The following PCDHA5 variants were observed in gnomAD, a reference collection of about 807,000 sequenced individuals.
PCDHA5 encodes protocadherin alpha 5, also known as protocadherin alpha-5.
In PCDHA5, 43 loss-of-function variants were observed where a neutral mutation model predicts 61.6. The ratio of observed to expected loss-of-function variants is 0.70; its 90% CI spans 0.55 to 0.90. The LOEUF is 0.90. Ranked by LOEUF, PCDHA5 falls within the 40% of genes least tolerant of loss-of-function variation. The pLI, the probability that PCDHA5 is intolerant of heterozygous loss-of-function variation, is 0.00. For missense variants in PCDHA5, 1,298 were observed against 1,222.7 expected (o/e 1.06, Z -0.92); for synonymous variants, 627 against 543.9 (o/e 1.15, Z -2.13).
chr5:140,940,253 A>G (rs1216858680), intron 1 of PCDHA5, among the ~76,000 whole-genome samples: 1 of 152,124 alleles, frequency 6.6e-6, no homozygotes, highest in Middle Eastern at 3.2e-3. Context: ...CCTCCTCAAT[A>G]TCTTCTGGGT....
intron 3 of PCDHA5, among the ~76,000 whole-genome samples, chr5:141,001,534 G>A (rs2098024616): frequency 6.6e-6 from 1 of 152,180 alleles, no homozygotes; most frequent in African/African-American, 2.4e-5. Flanking sequence ...CTCTGATCCT[G>A]GACAGGATTT....
At chr5:140,841,468 G>T (rs1777250619) in intron 1 of PCDHA5, 7 of 1,612,868 alleles carry the variant, frequency 4.3e-6, no homozygotes, top group African/African-American at 1.3e-5. Context: ...GCCGGATCGC[G>T]CAGGACCTGG....
intron 1 of PCDHA5, among the ~76,000 whole-genome samples, chr5:140,935,422 A>G (rs2090365671): frequency 6.6e-6 from 1 of 152,228 alleles, no homozygotes; most frequent in South Asian, 2.1e-4. Context: ...TTAGAAAACA[A>G]TTTCAGCACT....
intron 1 of PCDHA5, chr5:140,861,477 A>AT (rs2046941356): frequency 1.6e-5 from 8 of 493,206 alleles, no homozygotes; most frequent in South Asian, 1.2e-4. Context: ...GCAGAATGGC[A>AT]TTTTTGTGAG....
intron 1 of PCDHA5, chr5:140,841,596 G>A (rs782464159): frequency 6.2e-7 from 1 of 1,614,094 alleles, no homozygotes; most frequent in Non-Finnish European, 8.5e-7. Flanking sequence ...CGGATCGACC[G>A]CGAGGAGCTG....
At chr5:140,882,252 G>C (rs782433822) in intron 1 of PCDHA5, 1 of 1,597,600 alleles carries the variant, frequency 6.3e-7, no homozygotes, top group Non-Finnish European at 8.5e-7. Context: ...ATAGCTCTGA[G>C]GTTTTTGGAG....
chr5:140,909,711 A>G (rs1473634057), intron 1 of PCDHA5, among the ~76,000 whole-genome samples: 1 of 152,122 alleles, frequency 6.6e-6, no homozygotes, highest in Non-Finnish European at 1.5e-5. Context: ...TGCTAAGTAT[A>G]CCTATGCCAA....
chr5:140,857,507 G>T, intron 1 of PCDHA5: 2 of 1,598,302 alleles, frequency 1.3e-6, no homozygotes, highest in African/African-American at 1.3e-5. Context: ...GCAGGAGAAC[G>T]CCCTGGTGTC....
intron 1 of PCDHA5, among the ~76,000 whole-genome samples, chr5:140,833,365 G>A (rs2150207922): frequency 1.3e-5 from 2 of 152,156 alleles, no homozygotes; most frequent in African/African-American, 2.4e-5. Flanking sequence ...ACACAGTAAG[G>A]TAGATCCAAA....
intron 1 of PCDHA5, chr5:140,968,152 C>T (rs782362724): frequency 6.2e-7 from 1 of 1,614,172 alleles, no homozygotes; most frequent in South Asian, 1.1e-5. Context: ...TCTCTGACAT[C>T]AATGACAATC....
chr5:140,848,135 C>CT, intron 1 of PCDHA5: 1 of 194,926 alleles, frequency 5.1e-6, no homozygotes, highest in Non-Finnish European at 1.1e-5. Flanking sequence ...TCATACAAAA[C>CT]TTTTAGAGGC....
At position 140,858,257 on chromosome 5, in the gene PCDHA5, C is replaced by G; in HGVS notation, c.2352+34130C>G. ...CGCATGTGGGCCGGTGAAGCCCACGCTGGTGTGCTCTAGCGCGGTGGGGAG... is the reference window on the plus strand; with the variant it reads ...CGCATGTGGGCCGGTGAAGCCCACGGTGGTGTGCTCTAGCGCGGTGGGGAG... On this transcript the variant is annotated intron_variant, in intron 1 of 3. Transcript: ENST00000529859. 2 of 1,596,668 alleles carry G rather than the reference C, an allele frequency of 1.3e-6. 1 individual carries two copies. Among genetic ancestry groups the G allele is most frequent in the Non-Finnish European group, 1.7e-6 (2 of 1,166,542 alleles).
At chr5:140,912,652 G>A (rs555103404) in intron 1 of PCDHA5, among the ~76,000 whole-genome samples, 2 of 152,132 alleles carry the variant, frequency 1.3e-5, no homozygotes, top group South Asian at 2.1e-4. Context: ...TTGAATAGAA[G>A]TGGTGAAAAT....
At chr5:140,838,280 A>T (rs1252322835) in intron 1 of PCDHA5, among the ~76,000 whole-genome samples, 4 of 139,572 alleles carry the variant, frequency 2.9e-5, no homozygotes, top group Non-Finnish European at 4.6e-5. Flanking sequence ...AGCCATGCTA[A>T]TTTTTTTTTT....
chr5:140,916,910 A>G (rs898370877), intron 1 of PCDHA5, among the ~76,000 whole-genome samples: 3 of 152,194 alleles, frequency 2.0e-5, no homozygotes, highest in African/African-American at 7.2e-5. Context: ...AAGTTTACCT[A>G]GAACCTCAGA....
intron 1 of PCDHA5, among the ~76,000 whole-genome samples, chr5:140,888,871 T>C (rs2062016827): frequency 6.6e-6 from 1 of 152,084 alleles, no homozygotes; most frequent in African/African-American, 2.4e-5. Flanking sequence ...TGTCTCAACA[T>C]AAAAATTAAA....
At chr5:140,956,314 G>C (rs1262942129) in intron 1 of PCDHA5, among the ~76,000 whole-genome samples, 2 of 152,036 alleles carry the variant, frequency 1.3e-5, no homozygotes, top group Admixed American at 6.6e-5. Context: ...ATTATTTTGA[G>C]ATATGTTCCT....
intron 1 of PCDHA5, chr5:140,927,527 C>A (rs1554204693): frequency 6.2e-7 from 1 of 1,614,084 alleles, no homozygotes. Flanking sequence ...GGGCTACCTG[C>A]CCGCTCAGGA....
intron 1 of PCDHA5, chr5:140,870,382 C>G (rs782627889): frequency 7.4e-6 from 12 of 1,614,062 alleles, no homozygotes; most frequent in Non-Finnish European, 1.0e-5. Context: ...GGTGACTGCG[C>G]GGGATGGGGG....
Sources: allele counts gnomAD v4.1 joint callset (sites outside exome capture counted in the v4.1 genomes callset), GRCh38; gene constraint gnomAD v4.1.1; transcripts MANE v1.5; gene names NCBI Gene and HGNC (gene_info 2026-07-23, HGNC 2026-07-21).